PLXNC1: variants seen among roughly 807,000 people sequenced by gnomAD.
PLXNC1 encodes plexin-C1.
PLXNC1 carries 75 observed loss-of-function variants against 178.2 expected under a neutral mutation model. The ratio of observed to expected loss-of-function variants is 0.42; its 90% CI spans 0.35 to 0.51. The LOEUF (loss-of-function observed/expected upper bound fraction) is 0.51, where lower values mean the gene tolerates loss of function less well. PLXNC1 is among the 20% of genes least tolerant of loss of function. PLXNC1 has a pLI of 0.02. For missense variants in PLXNC1, 1,503 were observed against 1,984.4 expected (o/e 0.76, Z 4.61); for synonymous variants, 790 against 779.9 (o/e 1.01, Z -0.22).
chr12:94,179,883 G>A (rs561661655), intron 2 of PLXNC1, among the ~76,000 whole-genome samples: 3 of 152,206 alleles, frequency 2.0e-5, no homozygotes, highest in African/African-American at 7.2e-5. Flanking sequence ...CTGTAATAAG[G>A]AAGGCACTAT....
intron 4 of PLXNC1, among the ~76,000 whole-genome samples, chr12:94,203,190 G>A (rs576798568): frequency 1.3e-5 from 2 of 152,264 alleles, no homozygotes; most frequent in Admixed American, 1.3e-4. Flanking sequence ...TCCGCCGTGA[G>A]GATTATTGCT....
chr12:94,148,995 G>C lies in PLXNC1; in HGVS notation c.24G>C (p.Ala8=). The change falls in exon 1 of 31, where the codon GCG becomes GCC. Residue 8 remains alanine (A), a synonymous_variant. Transcript: ENST00000258526. The surrounding 1 kb of genome is among the most constrained non-coding windows in gnomAD (Gnocchi z 4.8). ...CCATGGAGGTCTCCCGGAGGAAGGC[G>C]CCGCCGCGCCCCCCGCGCCCCGCAG... is the stretch of plus-strand genomic sequence containing the variant. The part of the protein sequence containing the change: MEVSRRK[A]PPRPPRPAAP... 6.9e-7 allele frequency: 1 copy of C among 1,448,370 alleles called. No homozygotes were observed. The highest frequency in any genetic ancestry group is 9.0e-7 in the Non-Finnish European group (1 of 1,108,308). 89.7% of individuals were successfully genotyped at this position (1,448,370 alleles called of 1,614,324 possible).
chr12:94,219,163 T>A (rs530672766), intron 5 of PLXNC1, among the ~76,000 whole-genome samples: 25 of 152,312 alleles, frequency 1.6e-4, no homozygotes, highest in African/African-American at 5.1e-4. Flanking sequence ...CAGGAGAGAT[T>A]TGCCTTATCA....
At chr12:94,173,303 A>C (rs1220174426) in intron 2 of PLXNC1, among the ~76,000 whole-genome samples, 1 of 152,164 alleles carries the variant, frequency 6.6e-6, no homozygotes, top group Admixed American at 6.5e-5. Context: ...GCCCATAGAA[A>C]ATTGTCCTTA....
chr12:94,163,745 T>C (rs1961483114), intron 1 of PLXNC1, among the ~76,000 whole-genome samples: 1 of 152,132 alleles, frequency 6.6e-6, no homozygotes, highest in African/African-American at 2.4e-5. Context: ...TTTGAACCTC[T>C]CCTTTTGGTC....
intron 16 of PLXNC1, 56 bp downstream of exon 16, chr12:94,254,944 T>C: frequency 2.2e-6 from 3 of 1,363,972 alleles, no homozygotes; most frequent in South Asian, 2.5e-5. Context: ...TATACTTTTA[T>C]TTTTTTACCC....
At chr12:94,187,646 A>G (rs779309917) in intron 4 of PLXNC1, among the ~76,000 whole-genome samples, 18 of 152,212 alleles carry the variant, frequency 1.2e-4, no homozygotes, top group Non-Finnish European at 2.2e-4. Flanking sequence ...CAGTCTTGCC[A>G]TAATCTTTTA....
At chr12:94,304,121 A>C (rs1968765141) in intron 30 of PLXNC1, 70 bp downstream of exon 30, 2 of 1,016,900 alleles carry the variant, frequency 2.0e-6, no homozygotes, top group Non-Finnish European at 3.0e-6. Context: ...GCATTCTGTC[A>C]GTTTCAGAAC....
chr12:94,254,431 G>A (rs1306023421), intron 15 of PLXNC1: 6 of 458,494 alleles, frequency 1.3e-5, no homozygotes, highest in Admixed American at 2.5e-5. Context: ...AACAATGCAA[G>A]TGGCTGCAGC....
At chr12:94,182,657 G>A (rs1962354111) in intron 3 of PLXNC1, among the ~76,000 whole-genome samples, 1 of 151,292 alleles carries the variant, frequency 6.6e-6, no homozygotes, top group Non-Finnish European at 1.5e-5. Flanking sequence ...ACCAGGAGGT[G>A]GAGTTTGCAG....
chr12:94,302,148 C>T (rs527631254), intron 28 of PLXNC1, among the ~76,000 whole-genome samples: 1 of 152,178 alleles, frequency 6.6e-6, no homozygotes, highest in Non-Finnish European at 1.5e-5. Context: ...TTTCCCATTA[C>T]CTACCAGCTA....
At chr12:94,173,027 C>G (rs1961904384) in intron 2 of PLXNC1, among the ~76,000 whole-genome samples, 1 of 152,130 alleles carries the variant, frequency 6.6e-6, no homozygotes, top group Non-Finnish European at 1.5e-5. Flanking sequence ...GTCCCATGGT[C>G]GTGAGGTGAG....
At chr12:94,282,619 T>C (rs1966532292) in intron 23 of PLXNC1, among the ~76,000 whole-genome samples, 2 of 152,210 alleles carry the variant, frequency 1.3e-5, no homozygotes, top group Admixed American at 1.3e-4. Flanking sequence ...AAGGCTATGA[T>C]TTTCTATCTC....
intron 15 of PLXNC1, 155 bp from the exon 16 acceptor site, chr12:94,254,632 T>C: frequency 1.4e-6 from 1 of 713,952 alleles, no homozygotes; most frequent in Non-Finnish European, 2.6e-6. Context: ...TCCAGCTTTT[T>C]AATGCTATTT....
chr12:94,264,117 G>A lies in PLXNC1; in HGVS notation c.3451-962G>A, dbSNP rs77828021. ...CCACGGTTCTTCCTCCACCACAGAGGCCTAATGTCCATTGATTACGGAAGG... is the reference window on the plus strand; with the variant it reads ...CCACGGTTCTTCCTCCACCACAGAGACCTAATGTCCATTGATTACGGAAGG... On this transcript the variant is annotated intron_variant, in intron 20 of 30. Coordinates refer to ENST00000258526, the MANE Select transcript of PLXNC1 (RefSeq NM_005761.3). 9.3e-3 allele frequency among the ~76,000 whole-genome samples: 1,417 copies of A among 152,146 alleles called. 16 individuals carry two copies. Among genetic ancestry groups the A allele is most frequent in the African/African-American group, 0.032 (1,347 of 41,480 alleles).
At chr12:94,301,983 C>T (rs1156276971) in intron 28 of PLXNC1, among the ~76,000 whole-genome samples, 1 of 152,202 alleles carries the variant, frequency 6.6e-6, no homozygotes, top group African/African-American at 2.4e-5. Flanking sequence ...CTTATCCCTT[C>T]ATCCCGTCCC....
chr12:94,300,537 T>C (rs925290544), intron 27 of PLXNC1, among the ~76,000 whole-genome samples: 5 of 151,962 alleles, frequency 3.3e-5, no homozygotes, highest in South Asian at 2.1e-4. Flanking sequence ...CCTCAGAGGG[T>C]TGGAGCAGAG....
chr12:94,162,623 C>T (rs975611722), intron 1 of PLXNC1, among the ~76,000 whole-genome samples: 1 of 151,964 alleles, frequency 6.6e-6, no homozygotes, highest in Non-Finnish European at 1.5e-5. Flanking sequence ...AATGAATGGG[C>T]ACTTGGGCTG....
intron 2 of PLXNC1, among the ~76,000 whole-genome samples, chr12:94,176,752 C>A (rs1310126915): frequency 6.6e-6 from 1 of 151,810 alleles, no homozygotes; most frequent in East Asian, 1.9e-4. Flanking sequence ...TGTCTACAGG[C>A]AAAAGAGTGA....
Sources: allele counts gnomAD v4.1 joint callset (sites outside exome capture counted in the v4.1 genomes callset), GRCh38; gene constraint gnomAD v4.1.1; non-coding constraint Gnocchi (gnomAD v3.1); transcripts MANE v1.5; gene names NCBI Gene and HGNC (gene_info 2026-07-23, HGNC 2026-07-21).